The following WDSUB1 variants were observed in gnomAD, a reference collection of about 807,000 sequenced individuals.
The protein encoded by WDSUB1 is WD repeat, sterile alpha motif and U-box domain containing 1, also known as WD repeat, SAM and U-box domain-containing protein 1.
WDSUB1 carries 49 observed loss-of-function variants against 53.9 expected under a neutral mutation model. That is an observed-to-expected ratio of 0.91 (90% confidence interval 0.72 to 1.15). WDSUB1 has a LOEUF of 1.15. Among genes scored for constraint, WDSUB1 ranks in the 50% most tolerant of loss-of-function variants. The pLI is 0.00. For missense variants in WDSUB1, 514 were observed against 562.0 expected (o/e 0.91, Z 0.86); for synonymous variants, 194 against 200.6 (o/e 0.97, Z 0.28).
Position 159,247,890 on chromosome 2 carries a change from T to TATATAAATATATATAA in WDSUB1, c.1273+481_1273+482insTTATATATATTTATAT, listed in dbSNP as rs2060838611. On this transcript the variant is annotated intron_variant, in intron 10 of 10. Transcript: ENST00000359774. ...GCTGTAGGCCAAAATTAAATAAATA[T>TATATAAATATATATAA]ATATATATATATATATATAAATATA... 5.9e-5 allele frequency among the ~76,000 whole-genome samples: 2 copies of TATATAAATATATATAA among 34,174 alleles called. 1 individual carries two copies. The highest frequency in any genetic ancestry group is 1.7e-4 in the Non-Finnish European group (2 of 11,948). 22.4% of individuals were successfully genotyped at this position (34,174 alleles called of 152,430 possible).
chr2:159,257,707 C>A, intron 8 of WDSUB1, 51 bp downstream of exon 8: 2 of 1,522,642 alleles, frequency 1.3e-6, no homozygotes, highest in Non-Finnish European at 1.8e-6. Context: ...AACTTTCTGA[C>A]CCTAATGGTG....
At chr2:159,271,948 A>G (rs2061451550) in intron 4 of WDSUB1, among the ~76,000 whole-genome samples, 153 bp from the exon 5 acceptor site, 1 of 152,240 alleles carries the variant, frequency 6.6e-6, no homozygotes, top group Non-Finnish European at 1.5e-5. Flanking sequence ...AGATATCTAT[A>G]AGGAAATAAT....
At chr2:159,258,267 G>C (rs536696626) in intron 6 of WDSUB1, among the ~76,000 whole-genome samples, 1 of 152,286 alleles carries the variant, frequency 6.6e-6, no homozygotes, top group South Asian at 2.1e-4. Flanking sequence ...TCATCTGTTT[G>C]AACCTACTAA....
At chr2:159,277,188 T>G (rs2061559041) in intron 3 of WDSUB1, among the ~76,000 whole-genome samples, 1 of 152,252 alleles carries the variant, frequency 6.6e-6, no homozygotes. Context: ...AAAGCTTTTT[T>G]AACTCCATGG....
In WDSUB1 at chr2:159,236,204, A is replaced by G. The variant is rs781761615; in HGVS notation, c.1274-14T>C. On this transcript the variant is annotated splice_polypyrimidine_tract_variant and intron_variant, in intron 10 of 10. Coordinates refer to ENST00000359774, the MANE Select transcript of WDSUB1 (RefSeq NM_001128212.3). Reference sequence around the variant, plus strand: ...ATGAATAGCCATCTAAAAAAAAAAAATCACACAAATTACATGATGTAGGAA... The same window carrying G: ...ATGAATAGCCATCTAAAAAAAAAAAGTCACACAAATTACATGATGTAGGAA... 3 of 1,578,954 alleles carry G rather than the reference A, an allele frequency of 1.9e-6. No individual in the cohort carries two copies. The highest frequency in any genetic ancestry group is 1.4e-5 in the African/African-American group (1 of 73,134).
chr2:159,248,343 C>T, intron 10 of WDSUB1, 29 bp downstream of exon 10: 1 of 1,600,210 alleles, frequency 6.2e-7, no homozygotes, highest in Non-Finnish European at 8.5e-7. Flanking sequence ...CAAAACATCC[C>T]CTGCAACTTA....
intron 9 of WDSUB1, among the ~76,000 whole-genome samples, chr2:159,253,943 T>A (rs185519533): frequency 3.0e-4 from 46 of 152,304 alleles, no homozygotes; most frequent in African/African-American, 1.0e-3. Flanking sequence ...ACATAAAAAA[T>A]AAATGTTACA....
intron 10 of WDSUB1, among the ~76,000 whole-genome samples, chr2:159,241,080 GAGTATAACCA>G (rs1559523958): frequency 6.6e-6 from 1 of 152,336 alleles, no homozygotes; most frequent in Non-Finnish European, 1.5e-5. Flanking sequence ...CCTGAAGTCA[GAGTATAACCA>G]AGTATAACCC....
Position 159,235,994 on chromosome 2 carries a change from G to GAGATCACTGAAAATATAAAT in WDSUB1, c.*19_*38dup, listed in dbSNP as rs765894487. On this transcript the variant is annotated 3_prime_UTR_variant, in exon 11 of 11. Coordinates refer to ENST00000359774, the MANE Select transcript of WDSUB1 (RefSeq NM_001128212.3). Reference sequence around the variant, plus strand: ...GTATTTACCTATAAATCATTCAAATGAGATCACTGAAAATATAAATAATAC... The same window carrying GAGATCACTGAAAATATAAAT: ...GTATTTACCTATAAATCATTCAAATGAGATCACTGAAAATATAAATAGATCACTGAAAATATAAATAATAC... 4 of 1,544,986 alleles carry GAGATCACTGAAAATATAAAT rather than the reference G, an allele frequency of 2.6e-6. No homozygotes were observed. Among genetic ancestry groups the GAGATCACTGAAAATATAAAT allele is most frequent in the Admixed American group, 4.1e-5 (2 of 48,228 alleles).
intron 1 of WDSUB1, 77 bp from the exon 2 acceptor site, chr2:159,283,170 A>C: frequency 7.9e-7 from 1 of 1,268,154 alleles, no homozygotes; most frequent in Non-Finnish European, 1.1e-6. Flanking sequence ...TAAAAGGGCC[A>C]AAATGTTTTA....
At chr2:159,244,992 G>C (rs1165701852) in intron 10 of WDSUB1, among the ~76,000 whole-genome samples, 1 of 152,136 alleles carries the variant, frequency 6.6e-6, no homozygotes, top group Non-Finnish European at 1.5e-5. Context: ...TTGACAAAAT[G>C]TGCAAAACCT....
intron 7 of WDSUB1, 22 bp from the exon 8 acceptor site, chr2:159,257,886 T>C (rs2061102008): frequency 1.2e-6 from 2 of 1,611,848 alleles, no homozygotes; most frequent in Non-Finnish European, 1.7e-6. Context: ...AAACAACTAT[T>C]ATGTATCTTC....
At chr2:159,255,132 C>G (rs529335352) in intron 9 of WDSUB1, among the ~76,000 whole-genome samples, 2 of 151,746 alleles carry the variant, frequency 1.3e-5, no homozygotes, top group African/African-American at 2.4e-5. Flanking sequence ...CCTCCTATCT[C>G]TTCCCCCACC....
chr2:159,247,055 C>T (rs2060814832), intron 10 of WDSUB1, among the ~76,000 whole-genome samples: 1 of 151,932 alleles, frequency 6.6e-6, no homozygotes, highest in Admixed American at 6.5e-5. Context: ...ACACTCTTTG[C>T]TGCCAGGTTT....
chr2:159,245,268 T>TG (rs1272869949), intron 10 of WDSUB1, among the ~76,000 whole-genome samples: 1 of 152,126 alleles, frequency 6.6e-6, no homozygotes, highest in East Asian at 1.9e-4. Flanking sequence ...GGCTCATGCT[T>TG]GTAATACCAG....
chr2:159,279,851 C>T lies in WDSUB1; in HGVS notation c.493G>A (p.Val165Met). ...AGACACCTCATTTTATCATCCCACA[C>T]TGTTAAATCACCACATGAGGAGCCA... is the stretch of plus-strand genomic sequence containing the variant. ...VTGSSCGDLTVWDDKMRCLHS... is the reference protein window; with the variant it reads ...VTGSSCGDLTMWDDKMRCLHS... The change falls in exon 3 of 11, where the codon GTG becomes ATG. Residue 165 changes from valine to methionine, a missense_variant. Physicochemically the swap from Val to Met is conservative, Grantham distance 21. Coordinates refer to ENST00000359774, the MANE Select transcript of WDSUB1 (RefSeq NM_001128212.3). 6.2e-7 allele frequency: 1 copy of T among 1,612,840 alleles called. No homozygotes were observed. The highest frequency in any genetic ancestry group is 8.5e-7 in the Non-Finnish European group (1 of 1,179,116).
At chr2:159,240,225 T>G (rs1428903993) in intron 10 of WDSUB1, among the ~76,000 whole-genome samples, 1 of 152,220 alleles carries the variant, frequency 6.6e-6, no homozygotes, top group East Asian at 1.9e-4. Flanking sequence ...TTTGTGCATT[T>G]TTATGGCTCG....
Position 159,257,905 on chromosome 2 carries a change from T to A in WDSUB1, c.845+40A>T, listed in dbSNP as rs760883472. On this transcript the variant is annotated intron_variant, in intron 7 of 10. Transcript: ENST00000359774. ...AACTATTATGTATCTTCTGACTAAT[T>A]TTTAAATTATATTAATACAAGGTGA... 6.2e-6 allele frequency: 10 copies of A among 1,609,576 alleles called. No homozygotes were observed. The African/African-American group carries it at 1.2e-4, about 19-fold the overall frequency.
At chr2:159,259,282 T>C (rs78419164) in intron 6 of WDSUB1, among the ~76,000 whole-genome samples, 12,622 of 152,192 alleles carry the variant, frequency 0.083, 1,165 homozygotes, top group African/African-American at 0.22. Context: ...GCTTCAGCCT[T>C]CTGACATGCT....
Sources: gnomAD v4.1 joint callset for allele counts (sites outside exome capture counted in the v4.1 genomes callset) on GRCh38, gnomAD v4.1.1 for gene constraint, MANE v1.5 for transcripts, NCBI Gene and HGNC (gene_info 2026-07-23, HGNC 2026-07-21) for gene names.